BACH2: variants seen among roughly 807,000 people sequenced by gnomAD.
The protein encoded by BACH2 is transcription regulator protein BACH2.
BACH2 carries 5 observed loss-of-function variants against 61.8 expected under a neutral mutation model. The ratio of observed to expected loss-of-function variants is 0.08; its 90% CI spans 0.04 to 0.17. The LOEUF is 0.17. Among genes scored for constraint, BACH2 ranks in the 10% least tolerant of loss-of-function variants. BACH2 has a pLI of 1.00. For missense variants in BACH2, 824 were observed against 1,091.1 expected, an observed-to-expected ratio of 0.76 and a Z score of 3.45; for synonymous variants, 446 against 440.1, an observed-to-expected ratio of 1.01 and a Z score of -0.17.
chr6:90,023,743 G>C (rs1005271196), intron 5 of BACH2, among the ~76,000 whole-genome samples: 5 of 152,262 alleles, frequency 3.3e-5, no homozygotes, highest in African/African-American at 1.2e-4. Flanking sequence ...GTCCTTATAA[G>C]AGAACCCCTC....
chr6:89,947,861 G>C (rs551617303), intron 7 of BACH2, among the ~76,000 whole-genome samples: 1 of 151,980 alleles, frequency 6.6e-6, no homozygotes, highest in African/African-American at 2.4e-5. Context: ...GTGAGCCACC[G>C]CGCCCAGCCA....
At chr6:90,080,052 C>A (rs1274209309) in intron 5 of BACH2, among the ~76,000 whole-genome samples, 2 of 152,050 alleles carry the variant, frequency 1.3e-5, no homozygotes, top group Non-Finnish European at 2.9e-5. Context: ...ACCACCCTGC[C>A]GTGAACCACA....
At chr6:90,166,384 T>C (rs1312562513) in intron 4 of BACH2, among the ~76,000 whole-genome samples, 1 of 152,090 alleles carries the variant, frequency 6.6e-6, no homozygotes, top group Non-Finnish European at 1.5e-5. Flanking sequence ...AGAATGGCAA[T>C]CATTAAAAAG....
At chr6:90,219,747 A>G (rs1769673154) in intron 3 of BACH2, among the ~76,000 whole-genome samples, 1 of 151,198 alleles carries the variant, frequency 6.6e-6, no homozygotes, top group East Asian at 1.9e-4. Context: ...TGCCCTTCAT[A>G]CTCACTTCAT....
At chr6:90,037,429 CA>C (rs1240659933) in intron 5 of BACH2, among the ~76,000 whole-genome samples, 1 of 152,200 alleles carries the variant, frequency 6.6e-6, no homozygotes, top group Admixed American at 6.5e-5. Flanking sequence ...GTAAAGGAGC[CA>C]AAAGGCTCTT....
chr6:89,938,006 TGA>T, intron 8 of BACH2, 136 bp downstream of exon 8: 1 of 772,164 alleles, frequency 1.3e-6, no homozygotes, highest in Non-Finnish European at 2.1e-6. Context: ...TTATTTCTGT[TGA>T]GAAACTTCTT....
chr6:90,102,791 AAATAATAATAATAAT>A (rs372366852), intron 4 of BACH2, among the ~76,000 whole-genome samples: 1,627 of 113,666 alleles, frequency 0.014, 25 homozygotes, highest in African/African-American at 0.04. Flanking sequence ...ACTCCATTTC[AAATAATAATAATAAT>A]AATAATAATA....
At chr6:90,059,195 G>A (rs1308962390) in intron 5 of BACH2, among the ~76,000 whole-genome samples, 3 of 152,244 alleles carry the variant, frequency 2.0e-5, no homozygotes, top group African/African-American at 4.8e-5. Flanking sequence ...GCAACCTACA[G>A]AACGGGAGAA....
At chr6:90,229,332 C>T (rs1000756288) in intron 3 of BACH2, among the ~76,000 whole-genome samples, 4 of 152,056 alleles carry the variant, frequency 2.6e-5, no homozygotes, top group African/African-American at 7.2e-5. Flanking sequence ...CAGTGGCCAG[C>T]GCCTGTAATC....
intron 6 of BACH2, among the ~76,000 whole-genome samples, chr6:90,000,861 G>C (rs1470633886): frequency 6.6e-6 from 1 of 152,162 alleles, no homozygotes; most frequent in Non-Finnish European, 1.5e-5. Context: ...AACTGAGCTT[G>C]TGCCTCTTCT....
At chr6:90,220,805 A>C (rs1023115710) in intron 3 of BACH2, among the ~76,000 whole-genome samples, 1 of 152,194 alleles carries the variant, frequency 6.6e-6, no homozygotes, top group Non-Finnish European at 1.5e-5. Context: ...AGTTAATAAA[A>C]AGAAAGAAAA....
intron 6 of BACH2, among the ~76,000 whole-genome samples, chr6:89,987,171 A>T (rs549004112): frequency 6.6e-6 from 1 of 152,324 alleles, no homozygotes. Context: ...GATTTAACAA[A>T]AATAGATGTC....
At chr6:90,224,990 G>A (rs1388259384) in intron 3 of BACH2, among the ~76,000 whole-genome samples, 2 of 152,144 alleles carry the variant, frequency 1.3e-5, no homozygotes, top group Admixed American at 1.3e-4. Flanking sequence ...TCTCAATGTT[G>A]TTCATCCATT....
At chr6:90,251,156 C>CT (rs530852248) in intron 3 of BACH2, among the ~76,000 whole-genome samples, 38,086 of 148,870 alleles carry the variant, frequency 0.26, 5,512 homozygotes, top group Non-Finnish European at 0.34. Flanking sequence ...TAATAATCAA[C>CT]TTTTTTTTTT....
intron 4 of BACH2, among the ~76,000 whole-genome samples, chr6:90,133,932 A>G (rs992117348): frequency 6.6e-6 from 1 of 152,202 alleles, no homozygotes; most frequent in Admixed American, 6.5e-5. Context: ...TTCTTAATTC[A>G]GTCTATCACT....
chr6:90,046,941 C>CT lies in BACH2; in HGVS notation c.-12-38086dup, dbSNP rs543942046. Among the ~76,000 whole-genome samples the CT allele has an allele frequency of 7.8e-3, 1,190 of 151,944 alleles. 20 individuals are homozygous for CT. Among genetic ancestry groups the CT allele is most frequent in the African/African-American group, 0.027 (1,132 of 41,434 alleles). Reference sequence around the variant, plus strand: ...ATGTAATTTCTTTCTTTCTTTCTTTCTTTTTTTGAGACAGAGATTCACTAC... The same window carrying CT: ...ATGTAATTTCTTTCTTTCTTTCTTTCTTTTTTTTGAGACAGAGATTCACTAC... On this transcript the variant is annotated intron_variant, in intron 5 of 8. Transcript: ENST00000257749.
chr6:90,252,689 G>T (rs1770850194), intron 2 of BACH2, 99 bp from the exon 3 acceptor site: 1 of 152,004 alleles, frequency 6.6e-6, no homozygotes, highest in Admixed American at 6.6e-5. Flanking sequence ...AAGCTGTATT[G>T]GTACAAAAAC....
At chr6:89,943,462 T>C (rs1452775031) in intron 7 of BACH2, among the ~76,000 whole-genome samples, 1 of 151,738 alleles carries the variant, frequency 6.6e-6, no homozygotes, top group Non-Finnish European at 1.5e-5. Context: ...AAAAATTACA[T>C]ATTATATAAA....
intron 8 of BACH2, among the ~76,000 whole-genome samples, chr6:89,934,173 C>T (rs781756277): frequency 6.6e-6 from 1 of 152,104 alleles, no homozygotes; most frequent in South Asian, 2.1e-4. Flanking sequence ...TCTGGAGCAG[C>T]GATTCTCCCC....
Sources: gnomAD v4.1 joint callset for allele counts (sites outside exome capture counted in the v4.1 genomes callset) on GRCh38, gnomAD v4.1.1 for gene constraint, MANE v1.5 for transcripts, NCBI Gene and HGNC (gene_info 2026-07-23, HGNC 2026-07-21) for gene names.